Variants in GPC6 observed in about 807,000 individuals in gnomAD.
GPC6 encodes glypican 6, also known as glypican-6.
In GPC6, 14 loss-of-function variants were observed where a neutral mutation model predicts 55.2. That is an observed-to-expected ratio of 0.25 (90% CI 0.17 to 0.40). The LOEUF (loss-of-function observed/expected upper bound fraction) is 0.40. Among genes scored for constraint, GPC6 ranks in the 10% least tolerant of loss-of-function variants. The pLI, the probability that GPC6 is intolerant of heterozygous loss-of-function variation, is 1.00. For synonymous variants in GPC6, 278 were observed against 259.6 expected (o/e 1.07, Z -0.68); for missense variants, 641 against 708.5 (o/e 0.90, Z 1.08).
chr13:94,088,610 G>C (rs1885373505), intron 4 of GPC6, among the ~76,000 whole-genome samples: 2 of 145,774 alleles, frequency 1.4e-5, no homozygotes, highest in Admixed American at 1.4e-4. Context: ...AGGAGGGGAG[G>C]GAAGGGAATT....
chr13:93,320,724 A>G (rs192366472), intron 1 of GPC6, among the ~76,000 whole-genome samples: 100 of 152,164 alleles, frequency 6.6e-4, no homozygotes, highest in South Asian at 1.7e-3. Flanking sequence ...AGAATTATGT[A>G]GTATAGCAGT....
chr13:93,835,826 C>G (rs1887711744), intron 3 of GPC6, among the ~76,000 whole-genome samples: 1 of 152,034 alleles, frequency 6.6e-6, no homozygotes, highest in Non-Finnish European at 1.5e-5. Flanking sequence ...TAAATTGTGT[C>G]AAGAGCAATC....
rs1877848558 is a variant in GPC6, at chr13:93,926,207, G to T, written c.711+95662G>T. On this transcript the variant is annotated intron_variant, in intron 3 of 8. Transcript: ENST00000377047. ...ATGCAGTGTGAAAGGGGCCTAGATA[G>T]GGAAGACATGGATTATTGCAGGCTA... 2.0e-5 allele frequency among the ~76,000 whole-genome samples: 3 copies of T among 152,224 alleles called. No homozygotes were observed. The South Asian group carries it at 6.2e-4, about 32-fold the overall frequency.
At chr13:93,531,180 C>T (rs1019590428) in intron 1 of GPC6, among the ~76,000 whole-genome samples, 1 of 151,838 alleles carries the variant, frequency 6.6e-6, no homozygotes, top group Non-Finnish European at 1.5e-5. Context: ...TTCATGGAGT[C>T]CCAAGTGTCT....
At chr13:93,846,244 A>G (rs769190050) in intron 3 of GPC6, among the ~76,000 whole-genome samples, 3 of 152,176 alleles carry the variant, frequency 2.0e-5, no homozygotes, top group Non-Finnish European at 2.9e-5. Flanking sequence ...ATGTAATGCA[A>G]GCTAACAAAT....
intron 2 of GPC6, among the ~76,000 whole-genome samples, chr13:93,593,468 G>A (rs72641654): frequency 0.013 from 1,916 of 152,154 alleles, 22 homozygotes; most frequent in Middle Eastern, 0.024. Context: ...TTTGTTGAAT[G>A]TAAGTTATTC....
At chr13:93,697,270 C>A (rs1176830379) in intron 2 of GPC6, among the ~76,000 whole-genome samples, 1 of 152,104 alleles carries the variant, frequency 6.6e-6, no homozygotes, top group Non-Finnish European at 1.5e-5. Flanking sequence ...ATGCACTGGT[C>A]ATTGGATGCA....
intron 2 of GPC6, among the ~76,000 whole-genome samples, chr13:93,688,188 AAGAT>A (rs1882119514): frequency 2.0e-5 from 3 of 152,066 alleles, no homozygotes; most frequent in East Asian, 1.9e-4. Context: ...GAGGATGTAT[AAGAT>A]AGAGTGTGGG....
At chr13:93,298,720 T>C (rs956128588) in intron 1 of GPC6, among the ~76,000 whole-genome samples, 1 of 152,060 alleles carries the variant, frequency 6.6e-6, no homozygotes, top group Non-Finnish European at 1.5e-5. Flanking sequence ...AGTGCTGGGA[T>C]TGTAGGCATG....
chr13:93,469,344 ACAT>A (rs1191769802), intron 1 of GPC6, among the ~76,000 whole-genome samples: 2 of 152,096 alleles, frequency 1.3e-5, no homozygotes, highest in African/African-American at 2.4e-5. Context: ...GATTTGGTAA[ACAT>A]CATTATATTC....
chr13:94,285,291 G>A (rs9589945), intron 4 of GPC6, among the ~76,000 whole-genome samples: 15,574 of 152,164 alleles, frequency 0.1, 1,098 homozygotes, highest in East Asian at 0.22. Context: ...GGCCAAGAAG[G>A]CACCTGCTTA....
intron 3 of GPC6, among the ~76,000 whole-genome samples, chr13:93,963,201 T>G (rs1879866951): frequency 6.6e-6 from 1 of 152,160 alleles, no homozygotes; most frequent in Non-Finnish European, 1.5e-5. Context: ...AACAAAATCA[T>G]GAACCATGGA....
At chr13:94,314,590 T>G (rs1876423951) in intron 6 of GPC6, among the ~76,000 whole-genome samples, 1 of 152,224 alleles carries the variant, frequency 6.6e-6, no homozygotes, top group African/African-American at 2.4e-5. Flanking sequence ...CCTTTAAAAA[T>G]ATTTGTTCAT....
chr13:94,225,411 T>A (rs1890517568), intron 4 of GPC6, among the ~76,000 whole-genome samples: 1 of 152,140 alleles, frequency 6.6e-6, no homozygotes, highest in African/African-American at 2.4e-5. Flanking sequence ...GTTGGCAGAA[T>A]TCACATTACT....
rs144332795 is a variant in GPC6 at position 94,117,449 on chromosome 13, A to G, written c.877+89555A>G. Among the ~76,000 whole-genome samples the G allele has an allele frequency of 2.5e-3, 387 of 152,272 alleles. 1 individual carries two copies. Among genetic ancestry groups the G allele is most frequent in the African/African-American group, 8.6e-3 (356 of 41,580 alleles). Reference sequence around the variant, plus strand: ...AAATGTCACTCGGAATTTGGCTTCTATCATTGGTCTTAATTACCATTTACA... The same window carrying G: ...AAATGTCACTCGGAATTTGGCTTCTGTCATTGGTCTTAATTACCATTTACA... On this transcript the variant is annotated intron_variant, in intron 4 of 8. Transcript: ENST00000377047.
chr13:93,805,859 T>C (rs747304176), intron 2 of GPC6, among the ~76,000 whole-genome samples: 2 of 152,186 alleles, frequency 1.3e-5, no homozygotes, highest in Non-Finnish European at 2.9e-5. Flanking sequence ...ATTTAATTTA[T>C]GGCTCCTTTT....
intron 3 of GPC6, among the ~76,000 whole-genome samples, chr13:93,912,980 C>A (rs1273293231): frequency 6.6e-6 from 1 of 152,134 alleles, no homozygotes; most frequent in Non-Finnish European, 1.5e-5. Context: ...GATTCTTCTT[C>A]TCCTTTCTCC....
intron 3 of GPC6, among the ~76,000 whole-genome samples, chr13:93,866,435 G>A (rs1032619321): frequency 1.3e-5 from 2 of 151,532 alleles, no homozygotes; most frequent in East Asian, 2.0e-4. Flanking sequence ...TCACCACAAC[G>A]CCGTTCGCAA....
chr13:93,944,169 AT>A (rs1399041473), intron 3 of GPC6, among the ~76,000 whole-genome samples: 6 of 138,212 alleles, frequency 4.3e-5, no homozygotes, highest in Non-Finnish European at 7.7e-5. Context: ...TCTTCCTTTT[AT>A]TTTATTTATT....
Sources: allele counts gnomAD v4.1 joint callset (sites outside exome capture counted in the v4.1 genomes callset), GRCh38; gene constraint gnomAD v4.1.1; transcripts MANE v1.5; gene names NCBI Gene and HGNC (gene_info 2026-07-23, HGNC 2026-07-21).